The following CTNNA3 variants were observed in gnomAD, a reference collection of about 807,000 sequenced individuals.
CTNNA3 encodes catenin alpha-3.
A neutral mutation model predicts 95.7 loss-of-function variants in CTNNA3; 76 were observed. That is an observed-to-expected ratio of 0.79 (90% CI 0.66 to 0.96). The LOEUF (loss-of-function observed/expected upper bound fraction) is 0.96. Among genes scored for constraint, CTNNA3 ranks in the 40% least tolerant of loss-of-function variants. The probability of loss-of-function intolerance (pLI) is 0.00; values close to 1 mark genes in which losing one functional copy is unlikely to be tolerated. For missense variants in CTNNA3, 1,191 were observed against 1,089.8 expected, an observed-to-expected ratio of 1.09 and a Z score of -1.31; for synonymous variants, 431 against 374.4, an observed-to-expected ratio of 1.15 and a Z score of -1.74.
chr10:67,610,887 C>T (rs1457408448), intron 2 of CTNNA3, among the ~76,000 whole-genome samples: 2 of 152,124 alleles, frequency 1.3e-5, no homozygotes, highest in Admixed American at 6.5e-5. Context: ...CTTCAGGGGT[C>T]CCTCTCATAT....
At chr10:67,321,700 C>T (rs1841325318) in intron 5 of CTNNA3, among the ~76,000 whole-genome samples, 1 of 152,144 alleles carries the variant, frequency 6.6e-6, no homozygotes, top group Non-Finnish European at 1.5e-5. Context: ...TAAGCTGAAA[C>T]TCCAAATTTT....
At chr10:67,396,202 C>T (rs1844700990) in intron 5 of CTNNA3, among the ~76,000 whole-genome samples, 1 of 151,802 alleles carries the variant, frequency 6.6e-6, no homozygotes, top group South Asian at 2.1e-4. Flanking sequence ...AGAATATATC[C>T]TAGGAAGACA....
chr10:66,521,196 G>A (rs561090915), intron 10 of CTNNA3, among the ~76,000 whole-genome samples: 2 of 151,528 alleles, frequency 1.3e-5, no homozygotes, highest in Non-Finnish European at 2.9e-5. Context: ...AATTATATAG[G>A]TATAAATAAT....
At chr10:66,479,069 G>A (rs1468189936) in intron 11 of CTNNA3, among the ~76,000 whole-genome samples, 2 of 151,278 alleles carry the variant, frequency 1.3e-5, no homozygotes, top group Non-Finnish European at 1.5e-5. Flanking sequence ...TGTAGAATTC[G>A]TTTTTGTACA....
At chr10:66,068,507 A>T (rs1372969666) in intron 15 of CTNNA3, among the ~76,000 whole-genome samples, 1 of 152,196 alleles carries the variant, frequency 6.6e-6, no homozygotes, top group Non-Finnish European at 1.5e-5. Context: ...TAAAATTAAC[A>T]GTTATTTCAT....
intron 17 of CTNNA3, among the ~76,000 whole-genome samples, chr10:65,962,870 A>C (rs943440483): frequency 3.2e-4 from 48 of 152,106 alleles, no homozygotes; most frequent in Non-Finnish European, 1.3e-4. Context: ...TCCATGTCCC[A>C]GCAAAGGACA....
At chr10:67,574,956 AG>A (rs1842097230) in intron 3 of CTNNA3, among the ~76,000 whole-genome samples, 1 of 152,162 alleles carries the variant, frequency 6.6e-6, no homozygotes, top group African/African-American at 2.4e-5. Flanking sequence ...TAATAGTAAA[AG>A]TTGAAAATCA....
At chr10:66,908,525 A>T (rs1378141060) in intron 7 of CTNNA3, among the ~76,000 whole-genome samples, 2 of 152,158 alleles carry the variant, frequency 1.3e-5, no homozygotes, top group Non-Finnish European at 2.9e-5. Flanking sequence ...CCAATATGTT[A>T]TGGATGTTCT....
Position 65,915,588 on chromosome 10 carries a change from T to C in CTNNA3, c.*4742A>G, listed in dbSNP as rs1040399705. On this transcript the variant is annotated 3_prime_UTR_variant, in exon 18 of 18. Transcript: ENST00000433211. The stretch of plus-strand genomic sequence containing the variant: ...AACCAGTGGGGACTGCTAGATGCCA[T>C]AATGCAGCCAGCAGCCATAAAGCAT... The C allele has an allele frequency of 2.0e-5, 3 of 152,142 alleles. No individual in the cohort carries two copies. The highest frequency in any genetic ancestry group is 7.2e-5 in the African/African-American group (3 of 41,432). 9.4% of individuals were successfully genotyped at this position (152,142 alleles called of 1,614,324 possible).
At chr10:66,747,733 T>C (rs1397082450) in intron 9 of CTNNA3, among the ~76,000 whole-genome samples, 1 of 152,154 alleles carries the variant, frequency 6.6e-6, no homozygotes. Flanking sequence ...GGGCCTGTGA[T>C]GAATAACTAC....
chr10:66,026,829 G>A (rs1447352577), intron 15 of CTNNA3, among the ~76,000 whole-genome samples: 1 of 152,074 alleles, frequency 6.6e-6, no homozygotes, highest in Non-Finnish European at 1.5e-5. Flanking sequence ...ATCACCCATG[G>A]TTGAGCTCTA....
chr10:66,388,435 C>T (rs1036361160), intron 11 of CTNNA3, among the ~76,000 whole-genome samples: 5 of 152,026 alleles, frequency 3.3e-5, no homozygotes, highest in African/African-American at 9.7e-5. Flanking sequence ...GAGTAGTCAC[C>T]TCTTCTGTAG....
At chr10:67,755,949 A>G (rs1272767021) in intron 1 of CTNNA3, among the ~76,000 whole-genome samples, 1 of 152,200 alleles carries the variant, frequency 6.6e-6, no homozygotes, top group Admixed American at 6.5e-5. Context: ...AAGAATGGAT[A>G]AAGAAAAAGT....
At chr10:66,119,219 A>G (rs905784080) in intron 13 of CTNNA3, among the ~76,000 whole-genome samples, 4 of 152,222 alleles carry the variant, frequency 2.6e-5, no homozygotes, top group African/African-American at 9.6e-5. Context: ...GGATACCACC[A>G]TTATGAAGCT....
intron 5 of CTNNA3, among the ~76,000 whole-genome samples, chr10:67,309,789 T>C (rs1052571076): frequency 1.3e-5 from 2 of 152,100 alleles, no homozygotes; most frequent in Non-Finnish European, 2.9e-5. Flanking sequence ...AAAAATGAAA[T>C]TCTACCCTTA....
In CTNNA3 at chr10:66,289,441, A is replaced by G. The variant is rs555458290; in HGVS notation, c.1733-8820T>C. Among the ~76,000 whole-genome samples the G allele has an allele frequency of 5.9e-5, 9 of 151,834 alleles. No individual in the cohort carries two copies. In the East Asian group the frequency reaches 1.7e-3, roughly 29 times the overall value. On this transcript the variant is annotated intron_variant, in intron 12 of 17. Coordinates refer to ENST00000433211, the MANE Select transcript of CTNNA3 (RefSeq NM_013266.4). ...ATCCTCCTACTATTACACCCAATAT[A>G]TTAACTTCGGGGAGCCCAAATTAAT...
intron 17 of CTNNA3, among the ~76,000 whole-genome samples, chr10:65,939,608 T>C (rs1359111523): frequency 6.6e-6 from 1 of 152,168 alleles, no homozygotes; most frequent in African/African-American, 2.4e-5. Flanking sequence ...ACTAAGTACA[T>C]CCTAGCTTAG....
chr10:66,381,396 T>C (rs1362021191), intron 11 of CTNNA3, among the ~76,000 whole-genome samples: 1 of 152,226 alleles, frequency 6.6e-6, no homozygotes, highest in Non-Finnish European at 1.5e-5. Flanking sequence ...TGTGCCTCAA[T>C]TAGAGATTCT....
intron 11 of CTNNA3, among the ~76,000 whole-genome samples, chr10:66,484,402 A>G (rs931141906): frequency 1.3e-5 from 2 of 152,024 alleles, no homozygotes; most frequent in Admixed American, 6.6e-5. Context: ...ACAAAATTTC[A>G]TTTTTTATTT....
Sources: gnomAD v4.1 joint callset for allele counts (sites outside exome capture counted in the v4.1 genomes callset) on GRCh38, gnomAD v4.1.1 for gene constraint, MANE v1.5 for transcripts, NCBI Gene and HGNC (gene_info 2026-07-23, HGNC 2026-07-21) for gene names.